OAT: variants seen among roughly 807,000 people sequenced by gnomAD.
OAT encodes the protein ornithine aminotransferase.
In OAT, 35 loss-of-function variants were observed where a neutral mutation model predicts 48.4. The observed-to-expected ratio is 0.72, with a 90% CI of 0.55 to 0.96. The LOEUF is 0.96. Ranked by LOEUF, OAT falls within the 40% of genes least tolerant of loss-of-function variation. The pLI is 0.00. For synonymous variants in OAT, 182 were observed against 198.4 expected (o/e 0.92, Z 0.70); for missense variants, 438 against 537.9 (o/e 0.81, Z 1.84).
chr10:124,414,415 CAG>C (rs1268870743), intron 1 of OAT: 2 of 152,166 alleles, frequency 1.3e-5, no homozygotes, highest in South Asian at 2.1e-4. Flanking sequence ...GGACAGTCTG[CAG>C]AGAGTCCAAA....
rs201585464 is a variant in OAT at position 124,403,074 on chromosome 10, A to T, written c.772-19T>A. 2.7e-4 allele frequency: 429 copies of T among 1,613,282 alleles called. No homozygotes were observed. The highest frequency in any genetic ancestry group is 1.5e-3 in the South Asian group (134 of 91,066). ...AGAGAACCTATTGGGGAAAAAAAAT[A>T]CCCCTATTAGTGATCACTTTCGTTT... On this transcript the variant is annotated intron_variant, in intron 6 of 9. Transcript: ENST00000368845.
At chr10:124,412,345 T>A in intron 1 of OAT, 145 bp from the exon 2 acceptor site, 1 of 652,290 alleles carries the variant, frequency 1.5e-6, no homozygotes. Flanking sequence ...ACTCCATCAC[T>A]AAAAAAAATT....
At chr10:124,407,512 T>G (rs1332651041) in intron 4 of OAT, 1 of 926,786 alleles carries the variant, frequency 1.1e-6, no homozygotes, top group East Asian at 1.2e-4. Context: ...AATGGCAAGT[T>G]ACAGAGTTTT....
chr10:124,400,766 A>T, intron 9 of OAT, 74 bp downstream of exon 9: 1 of 1,181,114 alleles, frequency 8.5e-7, no homozygotes, highest in Non-Finnish European at 1.2e-6. Context: ...TAAATAAATT[A>T]ATTAAATTAA....
intron 2 of OAT, among the ~76,000 whole-genome samples, chr10:124,411,565 C>T (rs959088569): frequency 6.6e-6 from 1 of 152,018 alleles, no homozygotes; most frequent in African/African-American, 2.4e-5. Flanking sequence ...CACCTGTAAT[C>T]CCAGCACTTT....
intron 4 of OAT, among the ~76,000 whole-genome samples, 193 bp downstream of exon 4, chr10:124,408,341 ATATTTTTT>A (rs1564736187): frequency 3.0e-5 from 3 of 99,492 alleles, no homozygotes; most frequent in Non-Finnish European, 5.9e-5. Flanking sequence ...ATATATATAT[ATATTTTTT>A]TTTTTTTTTT....
intron 1 of OAT, among the ~76,000 whole-genome samples, chr10:124,417,948 A>T (rs1234883236): frequency 6.6e-6 from 1 of 152,260 alleles, no homozygotes; most frequent in Non-Finnish European, 1.5e-5. Context: ...GGTGGGTCAC[A>T]GGGCGAGTGC....
intron 1 of OAT, among the ~76,000 whole-genome samples, chr10:124,417,423 T>G (rs1951954027): frequency 1.3e-5 from 2 of 151,788 alleles, no homozygotes; most frequent in Admixed American, 6.6e-5. Flanking sequence ...TAGCTGGGAT[T>G]ACAGGCGCGC....
At chr10:124,408,402 T>C (rs1280306249) in intron 4 of OAT, 140 bp downstream of exon 4, 2 of 606,238 alleles carry the variant, frequency 3.3e-6, no homozygotes, top group African/African-American at 3.8e-5. Context: ...AGAAGGCTGG[T>C]CTTGAACTCC....
At chr10:124,398,147 A>C (rs1033947590) in intron 9 of OAT, 45 bp from the exon 10 acceptor site, 22 of 1,607,460 alleles carry the variant, frequency 1.4e-5, no homozygotes, top group Non-Finnish European at 1.6e-5. Flanking sequence ...ATAAACGTTT[A>C]AACATCCCTT....
chr10:124,417,922 A>C (rs1233730496), intron 1 of OAT, among the ~76,000 whole-genome samples: 1 of 152,254 alleles, frequency 6.6e-6, no homozygotes, highest in African/African-American at 2.4e-5. Context: ...TAAGATGTAG[A>C]GTGACAAAAG....
chr10:124,402,422 A>G (rs1951439090), intron 7 of OAT, among the ~76,000 whole-genome samples: 1 of 152,232 alleles, frequency 6.6e-6, no homozygotes. Context: ...GCTTTGTTTA[A>G]ATGCTTAAAA....
At chr10:124,418,345 C>T (rs1951984261) in intron 1 of OAT, among the ~76,000 whole-genome samples, 1 of 152,184 alleles carries the variant, frequency 6.6e-6, no homozygotes, top group Non-Finnish European at 1.5e-5. Flanking sequence ...CCAGGGCCAC[C>T]GGTTTACTGC....
chr10:124,403,942 G>A, intron 5 of OAT, 22 bp from the exon 6 acceptor site: 1 of 1,613,744 alleles, frequency 6.2e-7, no homozygotes, highest in Non-Finnish European at 8.5e-7. Flanking sequence ...ACAGGAATAA[G>A]TTTTAATAAC....
chr10:124,397,771 G>A lies in OAT; in HGVS notation c.*171C>T, dbSNP rs558946903. The A allele has an allele frequency of 2.6e-5, 17 of 654,480 alleles. No homozygotes were observed. Among genetic ancestry groups the A allele is most frequent in the Admixed American group, 5.5e-5 (2 of 36,374 alleles). 40.5% of individuals were successfully genotyped at this position (654,480 alleles called of 1,614,324 possible). A position where few individuals can be genotyped will look rare whatever the true frequency, so the allele number is the denominator to read the frequency against. On this transcript the variant is annotated 3_prime_UTR_variant, in exon 10 of 10. Transcript: ENST00000368845. Reference sequence around the variant, plus strand: ...TATTTAGTTACGTTACAAAGCAAACGGCAGGTTCATAAACGTTGTTCTATT... The same window carrying A: ...TATTTAGTTACGTTACAAAGCAAACAGCAGGTTCATAAACGTTGTTCTATT...
chr10:124,405,915 G>A, intron 4 of OAT: 1 of 1,164,574 alleles, frequency 8.6e-7, no homozygotes, highest in South Asian at 1.8e-5. Flanking sequence ...ATGTTTTCTA[G>A]AGAAGGTGCA....
chr10:124,398,511 A>C (rs187808258), intron 9 of OAT, among the ~76,000 whole-genome samples: 2 of 152,052 alleles, frequency 1.3e-5, no homozygotes, highest in African/African-American at 4.8e-5. Context: ...GTCTCAAAAA[A>C]AAAAGAAAGG....
At chr10:124,411,153 AAAAAAAAAAAAG>A (rs1377369974) in intron 2 of OAT, among the ~76,000 whole-genome samples, 9 of 145,638 alleles carry the variant, frequency 6.2e-5, no homozygotes, top group South Asian at 2.2e-4. Context: ...AAAAAAAAAA[AAAAAAAAAAAAG>A]AAGAAGAGAT....
In OAT at chr10:124,397,808, G is replaced by GA. The variant is rs1291119100; in HGVS notation, c.*133dup. ...AACGTTGTTCTATTATGTATCAACT[G>GA]AAAAAAATATATTCAAAAAAAAAGT... is the stretch of plus-strand genomic sequence containing the variant. On this transcript the variant is annotated 3_prime_UTR_variant, in exon 10 of 10. Transcript: ENST00000368845. The GA allele has an allele frequency of 7.3e-6, 7 of 965,194 alleles. No homozygotes were observed. Among genetic ancestry groups the GA allele is most frequent in the East Asian group, 2.5e-5 (1 of 40,678 alleles). The allele number at this position is 965,194 out of a possible 1,614,324, so 59.8% of individuals were successfully genotyped here.
Sources: allele counts gnomAD v4.1 joint callset (sites outside exome capture counted in the v4.1 genomes callset), GRCh38; gene constraint gnomAD v4.1.1; transcripts MANE v1.5; gene names NCBI Gene and HGNC (gene_info 2026-07-23, HGNC 2026-07-21).